Variants in FGF14 observed in about 807,000 individuals in gnomAD.
The protein encoded by FGF14 is fibroblast growth factor 14.
FGF14 carries 5 observed loss-of-function variants against 25.5 expected under a neutral mutation model. That is an observed-to-expected ratio of 0.20 (90% confidence interval 0.10 to 0.41). The LOEUF is 0.41. Among genes scored for constraint, FGF14 ranks in the 10% least tolerant of loss-of-function variants. The pLI is 1.00. For synonymous variants in FGF14, 138 were observed against 118.3 expected, an observed-to-expected ratio of 1.17 and a Z score of -1.08; for missense variants, 222 against 320.1, an observed-to-expected ratio of 0.69 and a Z score of 2.34.
rs1230252796 is a variant in FGF14 at position 102,392,804 on chromosome 13, C to G, written c.208+8667G>C. 2.0e-5 allele frequency among the ~76,000 whole-genome samples: 3 copies of G among 152,194 alleles called. No homozygotes were observed. In the East Asian group the frequency reaches 5.8e-4, roughly 29 times the overall value. ...GTGCCTGTCACTGCCTTATTCTGGA[C>G]CGCTCACCACTGCTCACTGCTCTTC... is the stretch of plus-strand genomic sequence containing the variant. On this transcript the variant is annotated intron_variant, in intron 1 of 4. Transcript: ENST00000376131.
At chr13:101,836,224 T>C (rs2042920647) in intron 3 of FGF14, among the ~76,000 whole-genome samples, 1 of 152,056 alleles carries the variant, frequency 6.6e-6, no homozygotes, top group Admixed American at 6.6e-5. Context: ...AATGTGCATC[T>C]GCCAAGAACA....
chr13:101,896,106 T>C (rs1366593880), intron 1 of FGF14, among the ~76,000 whole-genome samples: 1 of 152,196 alleles, frequency 6.6e-6, no homozygotes, highest in Non-Finnish European at 1.5e-5. Flanking sequence ...AGGGTATTCA[T>C]ACCCATTTGC....
chr13:102,200,247 G>C (rs1005284720), intron 1 of FGF14, among the ~76,000 whole-genome samples: 1 of 152,106 alleles, frequency 6.6e-6, no homozygotes, highest in Non-Finnish European at 1.5e-5. Context: ...ATGAATATAT[G>C]TGCATTTATA....
intron 1 of FGF14, among the ~76,000 whole-genome samples, chr13:102,207,138 G>A (rs775235088): frequency 2.0e-5 from 3 of 151,852 alleles, no homozygotes; most frequent in Non-Finnish European, 4.4e-5. Context: ...AAATTAGCCA[G>A]GCATGGTGGC....
At position 101,916,778 on chromosome 13, in the gene FGF14, G is replaced by GA; in HGVS notation, c.-134dup. On this transcript the variant is annotated 5_prime_UTR_variant, in exon 1 of 5. Transcript: ENST00000376143. ...GGAGGGGGTGCCAGGCGGGACTGGG[G>GA]AGAGGGGAAGGGGGGCTCAGTCCTG... The GA allele has an allele frequency of 1.3e-6, 1 of 767,556 alleles. No homozygotes were observed. The highest frequency in any genetic ancestry group is 2.8e-5 in the East Asian group (1 of 35,326). The allele number at this position is 767,556 out of a possible 1,614,324, so 47.5% of individuals were successfully genotyped here.
At chr13:102,050,652 G>C (rs998855305) in intron 1 of FGF14, among the ~76,000 whole-genome samples, 1 of 152,148 alleles carries the variant, frequency 6.6e-6, no homozygotes, top group African/African-American at 2.4e-5. Context: ...AAATATGGCA[G>C]AGTAAGAGAC....
At chr13:101,907,787 G>A (rs1331873062) in intron 1 of FGF14, among the ~76,000 whole-genome samples, 1 of 152,094 alleles carries the variant, frequency 6.6e-6, no homozygotes, top group East Asian at 1.9e-4. Context: ...AATACAGGAG[G>A]ATGTGGGATA....
At chr13:102,063,615 CA>C (rs56352155) in intron 1 of FGF14, among the ~76,000 whole-genome samples, 92 of 136,480 alleles carry the variant, frequency 6.7e-4, no homozygotes, top group Non-Finnish European at 6.2e-4. Context: ...GACTCTGTCT[CA>C]AAAAAAAAAA....
chr13:102,064,295 G>A (rs759926011), intron 1 of FGF14, among the ~76,000 whole-genome samples: 2 of 152,010 alleles, frequency 1.3e-5, no homozygotes, highest in Non-Finnish European at 2.9e-5. Flanking sequence ...AGTAAAAGCT[G>A]AAGTAGGGCA....
intron 1 of FGF14, among the ~76,000 whole-genome samples, chr13:102,206,858 A>G (rs1161292506): frequency 6.6e-6 from 1 of 152,182 alleles, no homozygotes; most frequent in Non-Finnish European, 1.5e-5. Flanking sequence ...TCAGGTGAAA[A>G]TTAGGGCATC....
intron 1 of FGF14, among the ~76,000 whole-genome samples, chr13:102,210,473 T>A (rs1422672171): frequency 6.6e-6 from 1 of 152,312 alleles, no homozygotes; most frequent in East Asian, 1.9e-4. Context: ...ACTGTAGTAT[T>A]TAAATTTGTG....
chr13:101,906,980 C>T (rs766370676), intron 1 of FGF14, among the ~76,000 whole-genome samples: 7 of 152,044 alleles, frequency 4.6e-5, no homozygotes, highest in South Asian at 4.1e-4. Context: ...TTTCTTTCTA[C>T]ATAATGCTTA....
chr13:101,863,606 C>T (rs1391338928), intron 3 of FGF14, among the ~76,000 whole-genome samples: 1 of 152,060 alleles, frequency 6.6e-6, no homozygotes, highest in Non-Finnish European at 1.5e-5. Flanking sequence ...TCACGCAATA[C>T]TCCATGAGTG....
intron 3 of FGF14, among the ~76,000 whole-genome samples, chr13:101,729,713 A>T (rs963900343): frequency 2.6e-5 from 4 of 151,044 alleles, no homozygotes; most frequent in African/African-American, 7.3e-5. Context: ...TTTGTAGTAA[A>T]AAATATATCC....
intron 1 of FGF14, among the ~76,000 whole-genome samples, chr13:101,939,317 A>G (rs1039399571): frequency 3.9e-5 from 6 of 152,206 alleles, no homozygotes; most frequent in African/African-American, 1.4e-4. Flanking sequence ...AAATACGTTT[A>G]AAGTTACTAA....
At chr13:102,358,804 C>A (rs1441124803) in intron 1 of FGF14, among the ~76,000 whole-genome samples, 1 of 151,946 alleles carries the variant, frequency 6.6e-6, no homozygotes, top group Non-Finnish European at 1.5e-5. Flanking sequence ...TGGAGTTAAA[C>A]CCTAGAAAAA....
intron 1 of FGF14, among the ~76,000 whole-genome samples, chr13:101,961,793 CATT>C (rs2036875647): frequency 6.6e-6 from 1 of 152,182 alleles, no homozygotes; most frequent in Admixed American, 6.5e-5. Context: ...CTTCTGGAAT[CATT>C]ATAAGTTTCC....
At chr13:102,268,137 A>G (rs896660492) in intron 1 of FGF14, among the ~76,000 whole-genome samples, 1 of 152,122 alleles carries the variant, frequency 6.6e-6, no homozygotes, top group Non-Finnish European at 1.5e-5. Context: ...ATCCTTAAGG[A>G]CACAAAAATG....
chr13:102,197,594 T>C (rs1284624777), intron 1 of FGF14, among the ~76,000 whole-genome samples: 1 of 151,786 alleles, frequency 6.6e-6, no homozygotes, highest in Non-Finnish European at 1.5e-5. Flanking sequence ...TATTTATGCA[T>C]AAATAATTAT....
Sources: gnomAD v4.1 joint callset for allele counts (sites outside exome capture counted in the v4.1 genomes callset) on GRCh38, gnomAD v4.1.1 for gene constraint, MANE v1.5 for transcripts, NCBI Gene and HGNC (gene_info 2026-07-23, HGNC 2026-07-21) for gene names.